NRXN3: variants seen among roughly 807,000 people sequenced by gnomAD.
The protein encoded by NRXN3 is neurexin 3.
In NRXN3, 32 loss-of-function variants were observed where a neutral mutation model predicts 137.6. That is an observed-to-expected ratio of 0.23 (90% confidence interval 0.18 to 0.31). The LOEUF is 0.31. Ranked by LOEUF, NRXN3 falls within the 10% of genes least tolerant of loss-of-function variation. NRXN3 has a pLI of 1.00. For synonymous variants in NRXN3, 798 were observed against 784.5 expected, an observed-to-expected ratio of 1.02 and a Z score of -0.29; for missense variants, 1,574 against 2,062.5, an observed-to-expected ratio of 0.76 and a Z score of 4.59.
At chr14:78,325,560 A>T (rs2079964882) in intron 4 of NRXN3, among the ~76,000 whole-genome samples, 1 of 152,146 alleles carries the variant, frequency 6.6e-6, no homozygotes, top group South Asian at 2.1e-4. Context: ...CGTTATTTTT[A>T]TCATTATCAT....
At chr14:79,294,985 T>C (rs2083812281) in intron 15 of NRXN3, among the ~76,000 whole-genome samples, 1 of 151,900 alleles carries the variant, frequency 6.6e-6, no homozygotes, top group Admixed American at 6.6e-5. Context: ...TGTCCATGTT[T>C]CCCTCACCAT....
chr14:79,857,395 TG>T (rs2099405048), intron 20 of NRXN3, among the ~76,000 whole-genome samples: 1 of 152,120 alleles, frequency 6.6e-6, no homozygotes, highest in African/African-American at 2.4e-5. Flanking sequence ...CTAATTTTTT[TG>T]TATTTTTAGT....
intron 15 of NRXN3, among the ~76,000 whole-genome samples, chr14:79,358,214 T>A (rs905770780): frequency 2.0e-5 from 3 of 152,076 alleles, no homozygotes; most frequent in South Asian, 2.1e-4. Flanking sequence ...TAATGGGCAA[T>A]GTTGTCCCTG....
At chr14:78,412,482 A>G (rs2092890937) in intron 4 of NRXN3, among the ~76,000 whole-genome samples, 1 of 152,224 alleles carries the variant, frequency 6.6e-6, no homozygotes, top group Non-Finnish European at 1.5e-5. Flanking sequence ...CCAAGATAAT[A>G]ATAACTAATA....
intron 14 of NRXN3, among the ~76,000 whole-genome samples, chr14:78,970,368 T>C (rs2099432921): frequency 5.9e-5 from 9 of 152,120 alleles, no homozygotes; most frequent in Admixed American, 5.9e-4. Context: ...TATTTCAGAA[T>C]GTAATAGAGA....
intron 15 of NRXN3, among the ~76,000 whole-genome samples, chr14:79,224,364 G>A (rs2070413220): frequency 6.6e-6 from 1 of 152,162 alleles, no homozygotes; most frequent in African/African-American, 2.4e-5. Context: ...TGAGGTAAGT[G>A]TGAATCACTT....
intron 16 of NRXN3, among the ~76,000 whole-genome samples, chr14:79,488,170 A>G (rs937271676): frequency 3.9e-5 from 6 of 152,216 alleles, no homozygotes; most frequent in Non-Finnish European, 8.8e-5. Context: ...GGTCATCTCA[A>G]AAATGGTCAC....
intron 16 of NRXN3, among the ~76,000 whole-genome samples, chr14:79,549,285 G>A (rs998815038): frequency 2.6e-5 from 4 of 152,032 alleles, no homozygotes; most frequent in African/African-American, 9.7e-5. Context: ...TGATGTAATG[G>A]GAAGGGAGCT....
At chr14:79,673,311 C>G (rs1042134545) in intron 17 of NRXN3, among the ~76,000 whole-genome samples, 1 of 152,064 alleles carries the variant, frequency 6.6e-6, no homozygotes, top group East Asian at 1.9e-4. Context: ...CAGTAAGTCC[C>G]TGATGCTCTG....
At position 79,118,731 on chromosome 14, in the gene NRXN3, T is replaced by C. The variant is rs577425352; in HGVS notation, c.3262+130590T>C. ...AAGAAGTTTTATTTTCCTTGATGAA[T>C]AGTGGGAAAGTGTGTATATAATATT... On this transcript the variant is annotated intron_variant, in intron 15 of 20. Transcript: ENST00000335750. Among the ~76,000 whole-genome samples, 3 of 151,448 alleles carry C rather than the reference T, an allele frequency of 2.0e-5. No individual in the cohort carries two copies. In the South Asian group the frequency reaches 6.3e-4, roughly 32 times the overall value.
Position 78,393,705 on chromosome 14 carries a change from G to T in NRXN3, c.757+95845G>T, listed in dbSNP as rs923454799. Among the ~76,000 whole-genome samples the T allele has an allele frequency of 2.2e-4, 34 of 151,922 alleles. 1 individual carries two copies. Among genetic ancestry groups the T allele is most frequent in the Admixed American group, 3.3e-4 (5 of 15,226 alleles). On this transcript the variant is annotated intron_variant, in intron 4 of 20. Transcript: ENST00000335750. ...GTTAAATCTGTATATCAATTTGAGAGAATTAAATCTTCACTATGTTGGGGT... is the reference window on the plus strand; with the variant it reads ...GTTAAATCTGTATATCAATTTGAGATAATTAAATCTTCACTATGTTGGGGT...
chr14:79,117,612 A>G (rs1167761551), intron 15 of NRXN3, among the ~76,000 whole-genome samples: 1 of 152,234 alleles, frequency 6.6e-6, no homozygotes, highest in Non-Finnish European at 1.5e-5. Flanking sequence ...AAGGCAGCAC[A>G]GACAAGTGTG....
At chr14:79,858,080 G>A (rs1238026196) in intron 20 of NRXN3, among the ~76,000 whole-genome samples, 1 of 151,372 alleles carries the variant, frequency 6.6e-6, no homozygotes, top group African/African-American at 2.4e-5. Context: ...GCTTTTAGAA[G>A]CTCTTTATAA....
At chr14:79,819,347 G>A in intron 20 of NRXN3, among the ~76,000 whole-genome samples, 1 of 152,026 alleles carries the variant, frequency 6.6e-6, no homozygotes, top group African/African-American at 2.4e-5. Flanking sequence ...AAGTCCCATA[G>A]GTTAAAAATG....
chr14:79,506,006 A>G (rs1288990797), intron 16 of NRXN3, among the ~76,000 whole-genome samples: 1 of 152,200 alleles, frequency 6.6e-6, no homozygotes, highest in Admixed American at 6.5e-5. Context: ...GGTTGTTGTC[A>G]GATTTTACTT....
chr14:78,235,892 A>G (rs973576427), intron 1 of NRXN3, among the ~76,000 whole-genome samples: 2 of 152,204 alleles, frequency 1.3e-5, no homozygotes, highest in Non-Finnish European at 2.9e-5. Flanking sequence ...TAGGGTATAG[A>G]GTGGGCTCAA....
intron 15 of NRXN3, among the ~76,000 whole-genome samples, chr14:79,115,337 A>AAG (rs1555765669): frequency 6.6e-6 from 1 of 151,504 alleles, no homozygotes; most frequent in African/African-American, 2.4e-5. Flanking sequence ...AAAAAAAAAA[A>AAG]AAAAGAAAAA....
intron 4 of NRXN3, among the ~76,000 whole-genome samples, chr14:78,341,644 A>G (rs1194045709): frequency 6.6e-6 from 1 of 152,172 alleles, no homozygotes; most frequent in Non-Finnish European, 1.5e-5. Context: ...CTGTAAAGAT[A>G]ATCTCTGGTG....
At chr14:79,080,753 C>T (rs2046829684) in intron 15 of NRXN3, among the ~76,000 whole-genome samples, 1 of 152,162 alleles carries the variant, frequency 6.6e-6, no homozygotes, top group Non-Finnish European at 1.5e-5. Flanking sequence ...GCCTCCAAAA[C>T]AGAGTTTTGC....
Sources: allele counts gnomAD v4.1 joint callset (sites outside exome capture counted in the v4.1 genomes callset), GRCh38; gene constraint gnomAD v4.1.1; transcripts MANE v1.5; gene names NCBI Gene and HGNC (gene_info 2026-07-23, HGNC 2026-07-21).